The following GPR160 variants were observed in gnomAD, a reference collection of about 807,000 sequenced individuals.
GPR160 encodes probable G protein-coupled receptor 160.
In GPR160, 2 loss-of-function variants were observed where a neutral mutation model predicts 2.6. That is an observed-to-expected ratio of 0.77 (90% CI 0.32 to 2.44). The LOEUF is 2.44. GPR160 is among the 30% of genes most tolerant of loss of function. The pLI is 0.11. For missense variants in GPR160, 351 were observed against 383.6 expected, an observed-to-expected ratio of 0.91 and a Z score of 0.71; for synonymous variants, 130 against 132.2, an observed-to-expected ratio of 0.98 and a Z score of 0.12.
At chr3:170,071,671 C>T (rs997427937) in intron 2 of GPR160, among the ~76,000 whole-genome samples, 8 of 152,268 alleles carry the variant, frequency 5.3e-5, no homozygotes, top group Non-Finnish European at 8.8e-5. Flanking sequence ...TGGTACATGC[C>T]TGTAGTCCCA....
intron 2 of GPR160, among the ~76,000 whole-genome samples, chr3:170,040,773 G>A (rs1716411580): frequency 6.6e-6 from 1 of 152,340 alleles, no homozygotes; most frequent in East Asian, 1.9e-4. Context: ...CAAAGCACAA[G>A]ATGAGTAGAG....
At chr3:170,056,434 C>A (rs1711645984) in intron 2 of GPR160, among the ~76,000 whole-genome samples, 1 of 152,188 alleles carries the variant, frequency 6.6e-6, no homozygotes, top group Non-Finnish European at 1.5e-5. Context: ...CTTTCTCATG[C>A]TATTGATTTC....
chr3:170,043,564 T>G (rs898406027), intron 2 of GPR160, among the ~76,000 whole-genome samples: 2 of 152,192 alleles, frequency 1.3e-5, no homozygotes, highest in African/African-American at 4.8e-5. Context: ...AGCTAGAGGT[T>G]AATAGTTTTT....
chr3:170,056,072 T>G (rs1050370680), intron 2 of GPR160, among the ~76,000 whole-genome samples: 1 of 152,220 alleles, frequency 6.6e-6, no homozygotes, highest in African/African-American at 2.4e-5. Context: ...TTAAGATATA[T>G]TTTCTATTTG....
chr3:170,043,965 T>C lies in GPR160; in HGVS notation c.-193+4922T>C, dbSNP rs114654573. Reference sequence around the variant, plus strand: ...AAAATAGTCCCCAGCCCTGAGATTGTACTTTTTTTTTTTTTTAACGGTAAG... The same window carrying C: ...AAAATAGTCCCCAGCCCTGAGATTGCACTTTTTTTTTTTTTTAACGGTAAG... On this transcript the variant is annotated intron_variant, in intron 2 of 3. Coordinates refer to ENST00000355897, the MANE Select transcript of GPR160 (RefSeq NM_014373.3). Among the ~76,000 whole-genome samples the C allele has an allele frequency of 9.8e-3, 1,431 of 146,484 alleles. 29 individuals carry two copies. Among genetic ancestry groups the C allele is most frequent in the African/African-American group, 0.035 (1,372 of 38,772 alleles).
intron 2 of GPR160, among the ~76,000 whole-genome samples, chr3:170,054,427 G>T (rs1441586522): frequency 6.6e-6 from 1 of 152,144 alleles, no homozygotes; most frequent in African/African-American, 2.4e-5. Context: ...TGGCAGAATA[G>T]AAGGACTGAG....
chr3:170,053,193 G>T (rs1399253615), intron 2 of GPR160, among the ~76,000 whole-genome samples: 2 of 152,094 alleles, frequency 1.3e-5, no homozygotes, highest in Non-Finnish European at 2.9e-5. Flanking sequence ...GTTGGATTTT[G>T]ATCAGAACTA....
At chr3:170,079,635 G>A (rs1713031265) in intron 2 of GPR160, 139 bp from the exon 3 acceptor site, 1 of 152,136 alleles carries the variant, frequency 6.6e-6, no homozygotes, top group Non-Finnish European at 1.5e-5. Flanking sequence ...AACTAAGAAT[G>A]TAAGCAGTTA....
intron 2 of GPR160, among the ~76,000 whole-genome samples, chr3:170,056,490 T>G (rs9829154): frequency 1.3e-5 from 2 of 152,148 alleles, no homozygotes; most frequent in South Asian, 2.1e-4. Context: ...ACAGGTTAGC[T>G]CACATGATAC....
intron 2 of GPR160, among the ~76,000 whole-genome samples, chr3:170,064,560 C>T (rs1429779610): frequency 1.4e-5 from 2 of 145,354 alleles, no homozygotes; most frequent in Non-Finnish European, 3.0e-5. Flanking sequence ...ACTCTGTCGC[C>T]CAGGCTGGAG....
chr3:170,069,902 G>A (rs1188122642), intron 2 of GPR160, among the ~76,000 whole-genome samples: 1 of 152,032 alleles, frequency 6.6e-6, no homozygotes, highest in African/African-American at 2.4e-5. Flanking sequence ...TCCCAGGGGC[G>A]GTTTCTCCTG....
At chr3:170,069,793 A>C (rs1712504814) in intron 2 of GPR160, among the ~76,000 whole-genome samples, 1 of 152,192 alleles carries the variant, frequency 6.6e-6, no homozygotes. Flanking sequence ...ATTTAAATAT[A>C]ACCACACATA....
chr3:170,067,769 A>T (rs1384513989), intron 2 of GPR160, among the ~76,000 whole-genome samples: 1 of 152,146 alleles, frequency 6.6e-6, no homozygotes, highest in Non-Finnish European at 1.5e-5. Flanking sequence ...AAAAAAAGTT[A>T]TCTGGGATGT....
chr3:170,074,961 C>T (rs1044905417), intron 2 of GPR160, among the ~76,000 whole-genome samples: 1 of 152,106 alleles, frequency 6.6e-6, no homozygotes, highest in Non-Finnish European at 1.5e-5. Context: ...TGCAGTGGCT[C>T]ACACCTGTAA....
At chr3:170,070,361 C>T (rs1422879603) in intron 2 of GPR160, among the ~76,000 whole-genome samples, 1 of 152,178 alleles carries the variant, frequency 6.6e-6, no homozygotes, top group Non-Finnish European at 1.5e-5. Context: ...GTTGAATCTA[C>T]AGGTTTGGTC....
chr3:170,084,323 T>C lies in GPR160; in HGVS notation c.351T>C (p.Cys117=). 1 of 1,609,202 alleles carries C rather than the reference T, an allele frequency of 6.2e-7. No homozygotes were observed. The highest frequency in any genetic ancestry group is 8.5e-7 in the Non-Finnish European group (1 of 1,176,810). The change falls in exon 4 of 4, where the codon TGT becomes TGC. Residue 117 remains cysteine (C), a synonymous_variant. Coordinates refer to ENST00000355897, the MANE Select transcript of GPR160 (RefSeq NM_014373.3). ...FLHYPVFLTA[C]IDYCLNFSKT... ...ATTATCCAGTTTTCCTGACAGCTTG[T>C]ATAGATTATTGCCTGAATTTCTCTA...
At chr3:170,044,904 C>T (rs944892412) in intron 2 of GPR160, among the ~76,000 whole-genome samples, 2 of 152,146 alleles carry the variant, frequency 1.3e-5, no homozygotes, top group African/African-American at 4.8e-5. Flanking sequence ...CCGCATAGTC[C>T]AGCCTTAAGG....
In GPR160 at chr3:170,085,227, C is replaced by T. The variant is rs1469326476; in HGVS notation, c.*238C>T. The stretch of plus-strand genomic sequence containing the variant: ...CAGGGACACTATATTACAAATATTA[C>T]TTTGTTATTAACACAAAAAGTGATA... On this transcript the variant is annotated 3_prime_UTR_variant, in exon 4 of 4. Coordinates refer to ENST00000355897, the MANE Select transcript of GPR160 (RefSeq NM_014373.3). 1.0e-5 allele frequency: 3 copies of T among 287,384 alleles called. No individual in the cohort carries two copies. The Admixed American group carries it at 1.5e-4, about 15-fold the overall frequency. The allele number at this position is 287,384 out of a possible 1,614,324, so 17.8% of individuals were successfully genotyped here. A position where few individuals can be genotyped will look rare whatever the true frequency, so the allele number is the denominator to read the frequency against.
At chr3:170,039,120 G>C (rs2108303667) in intron 2 of GPR160, 77 bp downstream of exon 2, 1 of 152,160 alleles carries the variant, frequency 6.6e-6, no homozygotes, top group South Asian at 2.1e-4. Flanking sequence ...CGAGTGTTTA[G>C]CTCTCAGGAT....
Sources: allele counts gnomAD v4.1 joint callset (sites outside exome capture counted in the v4.1 genomes callset), GRCh38; gene constraint gnomAD v4.1.1; transcripts MANE v1.5; gene names NCBI Gene and HGNC (gene_info 2026-07-23, HGNC 2026-07-21).